TRPM6: variants seen among roughly 807,000 people sequenced by gnomAD.
TRPM6 encodes transient receptor potential cation channel subfamily M member 6.
In TRPM6, 111 loss-of-function variants were observed where a neutral mutation model predicts 247.6. The observed-to-expected ratio is 0.45, with a 90% confidence interval of 0.38 to 0.52. The LOEUF is 0.52. Ranked by LOEUF, TRPM6 falls within the 20% of genes least tolerant of loss-of-function variation. TRPM6 has a pLI of 0.00. For synonymous variants in TRPM6, 892 were observed against 853.8 expected, an observed-to-expected ratio of 1.04 and a Z score of -0.78; for missense variants, 2,126 against 2,421.5, an observed-to-expected ratio of 0.88 and a Z score of 2.56.
Position 74,750,650 on chromosome 9 carries a change from T to A in TRPM6, c.5057+14A>T, listed in dbSNP as rs376645159. 1.4e-5 allele frequency: 23 copies of A among 1,612,448 alleles called. No homozygotes were observed. The highest frequency in any genetic ancestry group is 1.9e-5 in the Non-Finnish European group (22 of 1,178,638). On this transcript the variant is annotated intron_variant, in intron 30 of 38. Coordinates refer to ENST00000360774, the MANE Select transcript of TRPM6 (RefSeq NM_017662.5). ...GCCAAAGATTCTTAAACATAAACAT[T>A]TAGAAATACTCACAGGGAGTTCCTA... is the stretch of plus-strand genomic sequence containing the variant.
intron 15 of TRPM6, 82 bp downstream of exon 15, chr9:74,803,712 C>G: frequency 2.0e-6 from 2 of 986,074 alleles, no homozygotes; most frequent in Non-Finnish European, 3.3e-6. Flanking sequence ...TTTGCACCTC[C>G]CTTTCTTTGA....
intron 27 of TRPM6, among the ~76,000 whole-genome samples, chr9:74,760,543 G>C (rs780625826): frequency 4.6e-5 from 7 of 152,098 alleles, no homozygotes; most frequent in South Asian, 2.1e-4. Context: ...CCATCATTAA[G>C]CAATGCATGA....
At chr9:74,885,801 C>T (rs796649067) in intron 1 of TRPM6, among the ~76,000 whole-genome samples, 4 of 152,250 alleles carry the variant, frequency 2.6e-5, no homozygotes, top group African/African-American at 4.8e-5. Flanking sequence ...AGGCCAGGCA[C>T]AGTGGCTCAG....
At chr9:74,801,023 T>C (rs1262732326) in intron 16 of TRPM6, among the ~76,000 whole-genome samples, 3 of 151,636 alleles carry the variant, frequency 2.0e-5, no homozygotes, top group African/African-American at 7.3e-5. Flanking sequence ...TTAAGAAAGC[T>C]ATAGACCTAG....
intron 21 of TRPM6, among the ~76,000 whole-genome samples, chr9:74,783,813 C>T (rs1481635762): frequency 6.6e-6 from 1 of 152,134 alleles, no homozygotes; most frequent in African/African-American, 2.4e-5. Flanking sequence ...TCTTTTCTGT[C>T]CTCTTTGTTT....
At chr9:74,788,857 C>T (rs1827791136) in intron 19 of TRPM6, 115 bp from the exon 20 acceptor site, 3 of 1,276,702 alleles carry the variant, frequency 2.3e-6, no homozygotes, top group African/African-American at 1.5e-5. Flanking sequence ...AACACGAACA[C>T]AGAACTAGGA....
chr9:74,875,896 A>C (rs1831179897), intron 1 of TRPM6, among the ~76,000 whole-genome samples: 1 of 152,220 alleles, frequency 6.6e-6, no homozygotes, highest in African/African-American at 2.4e-5. Flanking sequence ...GTACCCTGTA[A>C]ACTTAAGCTT....
intron 18 of TRPM6, among the ~76,000 whole-genome samples, 164 bp downstream of exon 18, chr9:74,796,577 C>T (rs1191195408): frequency 6.6e-6 from 1 of 152,134 alleles, no homozygotes; most frequent in Non-Finnish European, 1.5e-5. Flanking sequence ...TGGTCAGAGG[C>T]ATTTTAAAAT....
chr9:74,880,328 C>T (rs766849226), intron 1 of TRPM6, among the ~76,000 whole-genome samples: 82 of 152,122 alleles, frequency 5.4e-4, no homozygotes, highest in Non-Finnish European at 3.4e-4. Flanking sequence ...GAGATGTAGA[C>T]GTCCGGAAAC....
intron 27 of TRPM6, among the ~76,000 whole-genome samples, chr9:74,758,376 T>C (rs1175338545): frequency 6.6e-6 from 1 of 151,912 alleles, no homozygotes; most frequent in Non-Finnish European, 1.5e-5. Flanking sequence ...GCAAAAAAAC[T>C]AATGAAAAGT....
chr9:74,816,920 G>C lies in TRPM6; in HGVS notation c.1179C>G (p.Asp393Glu). ...DADSEEQQDLDLAILTALLKG... is the reference protein window; with the variant it reads ...DADSEEQQDLELAILTALLKG... ...TCAGCAAAGCTGTTAGGATTGCTAA[G>C]TCCAGGTCTTGCTGCTCTTCAGAGT... Residue 393 changes from aspartate (D) to glutamate (E), a missense_variant, in exon 10 of 39, where the codon GAC becomes GAG. By Grantham distance (45) the Asp-to-Glu change is conservative. This residue lies in a region of TRPM6 where 1,082 missense variants were observed against 1,307.9 expected (regional missense o/e 0.83). Coordinates refer to ENST00000360774, the MANE Select transcript of TRPM6 (RefSeq NM_017662.5). The C allele has an allele frequency of 6.2e-7, 1 of 1,614,110 alleles. No homozygotes were observed. Among genetic ancestry groups the C allele is most frequent in the Non-Finnish European group, 8.5e-7 (1 of 1,180,008 alleles).
intron 37 of TRPM6, among the ~76,000 whole-genome samples, chr9:74,728,640 C>A (rs535008193): frequency 6.6e-6 from 1 of 152,144 alleles, no homozygotes; most frequent in South Asian, 2.1e-4. Context: ...CAAAATACAG[C>A]GAAATCCTTT....
chr9:74,761,121 T>A (rs1826611715), intron 27 of TRPM6, among the ~76,000 whole-genome samples: 1 of 152,178 alleles, frequency 6.6e-6, no homozygotes, highest in African/African-American at 2.4e-5. Context: ...ACTAAGACAG[T>A]GAGGATGTAG....
intron 3 of TRPM6, among the ~76,000 whole-genome samples, chr9:74,853,797 T>C (rs1378396116): frequency 6.6e-6 from 1 of 152,008 alleles, no homozygotes; most frequent in Non-Finnish European, 1.5e-5. Flanking sequence ...TTCCCTCCAC[T>C]ATTGTCCTAT....
intron 11 of TRPM6, among the ~76,000 whole-genome samples, chr9:74,815,327 A>G (rs1381879308): frequency 6.6e-6 from 1 of 152,242 alleles, no homozygotes; most frequent in East Asian, 1.9e-4. Flanking sequence ...ACTTCTCAAT[A>G]GAAATTCTGG....
chr9:74,886,824 C>T (rs1185694377), intron 1 of TRPM6, among the ~76,000 whole-genome samples: 2 of 152,188 alleles, frequency 1.3e-5, no homozygotes, highest in African/African-American at 2.4e-5. Flanking sequence ...CAGATGTTAA[C>T]TCGCCCAAAA....
At chr9:74,869,871 C>T (rs1027578513) in intron 1 of TRPM6, among the ~76,000 whole-genome samples, 1 of 152,138 alleles carries the variant, frequency 6.6e-6, no homozygotes, top group African/African-American at 2.4e-5. Flanking sequence ...TTGAAGTAAT[C>T]TTATATCTCT....
At chr9:74,872,600 T>TTGTATGTG (rs1831060275) in intron 1 of TRPM6, among the ~76,000 whole-genome samples, 1 of 150,090 alleles carries the variant, frequency 6.7e-6, no homozygotes, top group Non-Finnish European at 1.5e-5. Flanking sequence ...CCAGCAAATT[T>TTGTATGTG]TGTGTGTGTG....
At chr9:74,788,773 G>A (rs1421316507) in intron 19 of TRPM6, 31 bp from the exon 20 acceptor site, 1 of 1,611,646 alleles carries the variant, frequency 6.2e-7, no homozygotes, top group African/African-American at 1.3e-5. Context: ...CCCCAGATGT[G>A]AGTGAGAGCA....
Sources: gnomAD v4.1 joint callset for allele counts (sites outside exome capture counted in the v4.1 genomes callset) on GRCh38, gnomAD v4.1.1 for gene constraint, gnomAD v4.1.1 regional missense constraint, MANE v1.5 for transcripts, NCBI Gene and HGNC (gene_info 2026-07-23, HGNC 2026-07-21) for gene names.